The following UPK3A variants were observed in gnomAD, a reference collection of about 807,000 sequenced individuals.
UPK3A encodes the protein uroplakin-3a.
In UPK3A, 32 loss-of-function variants were observed where a neutral mutation model predicts 27.6. The observed-to-expected ratio is 1.16, with a 90% confidence interval of 0.87 to 1.55. The LOEUF (loss-of-function observed/expected upper bound fraction) is 1.55, where lower values mean the gene tolerates loss of function less well. Ranked by LOEUF, UPK3A falls within the 40% of genes most tolerant of loss-of-function variation. The pLI, the probability that UPK3A is intolerant of heterozygous loss-of-function variation, is 0.00. For synonymous variants in UPK3A, 171 were observed against 163.9 expected, an observed-to-expected ratio of 1.04 and a Z score of -0.33; for missense variants, 370 against 367.9, an observed-to-expected ratio of 1.01 and a Z score of -0.05.
intron 4 of UPK3A, among the ~76,000 whole-genome samples, chr22:45,290,826 C>T (rs929655789): frequency 7.2e-5 from 11 of 152,170 alleles, no homozygotes; most frequent in Admixed American, 7.2e-4. Context: ...ATTAGAGTGT[C>T]ACGGGAGCGC....
chr22:45,293,312 G>C lies in UPK3A; in HGVS notation c.703G>C (p.Val235Leu), dbSNP rs747509958. Residue 235 changes from valine (V) to leucine (L), a missense_variant and splice_region_variant, in exon 5 of 6, where the codon GTG becomes CTG. Physicochemically the swap from Val to Leu is conservative, Grantham distance 32. Transcript: ENST00000216211. ...TGCTGGCGCCATTGCCCTCAGCCTC[G>C]TGTAAGTACCTGCCTGCTGGGAGGG... ...GFAGAIALSL[V>L]DMGSSDGETT... 7 of 1,613,660 alleles carry C rather than the reference G, an allele frequency of 4.3e-6. No individual in the cohort carries two copies. The highest frequency in any genetic ancestry group is 2.2e-5 in the East Asian group (1 of 44,876).
At chr22:45,294,432 G>A (rs879303573) in intron 5 of UPK3A, among the ~76,000 whole-genome samples, 4 of 151,106 alleles carry the variant, frequency 2.6e-5, no homozygotes, top group Admixed American at 2.0e-4. Context: ...GGGAGACCTC[G>A]AGTCCTCATC....
At position 45,287,389 on chromosome 22, in the gene UPK3A, C is replaced by T. The variant is rs754349035; in HGVS notation, c.426C>T (p.Cys142=). The T allele has an allele frequency of 6.2e-7, 1 of 1,612,400 alleles. No individual in the cohort carries two copies. The highest frequency in any genetic ancestry group is 1.1e-5 in the South Asian group (1 of 90,798). Residue 142 remains cysteine, a synonymous_variant, in exon 3 of 6, where the codon TGC becomes TGT. Transcript: ENST00000216211. The part of the protein sequence containing the change: ...YLVRVGANGT[C]LWDPNFQGLC... ...TCAGGGTGGGTGCCAACGGGACCTG[C>T]CTGTGGGATCCCAACTTCCAGGGCC...
At chr22:45,295,454 C>T (rs1008923921) in intron 5 of UPK3A, 106 bp from the exon 6 acceptor site, 55 of 1,234,476 alleles carry the variant, frequency 4.5e-5, no homozygotes, top group African/African-American at 1.2e-4. Context: ...TCTACGAAGA[C>T]GATATCTGTG....
chr22:45,290,045 A>G (rs1266229113), intron 4 of UPK3A, among the ~76,000 whole-genome samples: 2 of 152,228 alleles, frequency 1.3e-5, no homozygotes, highest in Non-Finnish European at 2.9e-5. Context: ...CCTAAAACCA[A>G]GATGGCAAAG....
intron 1 of UPK3A, among the ~76,000 whole-genome samples, chr22:45,285,627 G>T (rs2084112102): frequency 1.6e-5 from 1 of 60,918 alleles, no homozygotes. Flanking sequence ...TTGCATGTGG[G>T]GGGAGGGCCC....
chr22:45,290,996 G>A (rs1016415020), intron 4 of UPK3A, among the ~76,000 whole-genome samples: 1 of 152,124 alleles, frequency 6.6e-6, no homozygotes, highest in African/African-American at 2.4e-5. Context: ...ATGATGATGA[G>A]TTGTACAATC....
intron 4 of UPK3A, among the ~76,000 whole-genome samples, chr22:45,290,368 A>G (rs919544303): frequency 6.6e-6 from 1 of 152,068 alleles, no homozygotes; most frequent in African/African-American, 2.4e-5. Context: ...GTGCACCCCC[A>G]GGGGCGTGGG....
intron 2 of UPK3A, 59 bp downstream of exon 2, chr22:45,286,155 G>A (rs1372131361): frequency 3.1e-6 from 5 of 1,605,040 alleles, no homozygotes; most frequent in Non-Finnish European, 4.3e-6. Context: ...TCTGCAGGGA[G>A]GAGGGAAGGA....
chr22:45,287,687 G>A (rs764346768), intron 3 of UPK3A, among the ~76,000 whole-genome samples: 3 of 151,754 alleles, frequency 2.0e-5, no homozygotes, highest in East Asian at 1.9e-4. Flanking sequence ...TTTTTGAGAC[G>A]GGGTCTCCAC....
rs565753581 is a variant in UPK3A at position 45,295,346 on chromosome 22, T to G, written c.705-214T>G. Among the ~76,000 whole-genome samples the G allele has an allele frequency of 6.6e-5, 10 of 152,222 alleles. No homozygotes were observed. In the East Asian group the frequency reaches 1.9e-3, roughly 29 times the overall value. ...ATTGTCCAGCTCCCAATAAGACCTA[T>G]AAGTTGTTCACATCATTCCAAAAGG... On this transcript the variant is annotated intron_variant, in intron 5 of 5. Coordinates refer to ENST00000216211, the MANE Select transcript of UPK3A (RefSeq NM_006953.4).
chr22:45,294,033 G>T (rs1289008018), intron 5 of UPK3A, among the ~76,000 whole-genome samples: 2 of 152,116 alleles, frequency 1.3e-5, no homozygotes, highest in Non-Finnish European at 2.9e-5. Flanking sequence ...ACCAGGCAGG[G>T]GACAAACCAA....
chr22:45,287,812 A>G (rs1221441249), intron 3 of UPK3A, among the ~76,000 whole-genome samples: 1 of 151,442 alleles, frequency 6.6e-6, no homozygotes, highest in Non-Finnish European at 1.5e-5. Context: ...ACAGGTGCAC[A>G]CCACCATGCC....
In UPK3A at chr22:45,289,077, G is replaced by C; in HGVS notation, c.505G>C (p.Val169Leu). The change falls in exon 4 of 6, where the codon GTC becomes CTC. Residue 169 changes from valine to leucine, a missense_variant. Coordinates refer to ENST00000216211, the MANE Select transcript of UPK3A (RefSeq NM_006953.4). ...ATEYRFKYVL[V>L]NMSTGLVEDQ... ...TCCTTCCAGGTTCAAGTATGTCCTGGTCAATATGTCCACGGGCTTGGTAGA... is the reference window on the plus strand; with the variant it reads ...TCCTTCCAGGTTCAAGTATGTCCTGCTCAATATGTCCACGGGCTTGGTAGA... 6.2e-7 allele frequency: 1 copy of C among 1,613,924 alleles called. No individual in the cohort carries two copies. Among genetic ancestry groups the C allele is most frequent in the Non-Finnish European group, 8.5e-7 (1 of 1,180,020 alleles).
intron 3 of UPK3A, among the ~76,000 whole-genome samples, chr22:45,288,567 A>C (rs931489991): frequency 6.6e-6 from 1 of 152,014 alleles, no homozygotes; most frequent in Admixed American, 6.6e-5. Context: ...CCCTGACCTC[A>C]GGTGATCTGC....
chr22:45,287,115 G>T, intron 2 of UPK3A, 57 bp from the exon 3 acceptor site: 7 of 1,610,694 alleles, frequency 4.3e-6, no homozygotes, highest in Non-Finnish European at 5.9e-6. Flanking sequence ...GAATAACTGA[G>T]TGAGTGTCGC....
chr22:45,288,700 A>G (rs1001262466), intron 3 of UPK3A, among the ~76,000 whole-genome samples: 1 of 152,230 alleles, frequency 6.6e-6, no homozygotes, highest in Non-Finnish European at 1.5e-5. Flanking sequence ...GGAAGGCAGA[A>G]ATGCAAGGAA....
rs752744610 is a variant in UPK3A, at chr22:45,293,196, C to T, written c.587C>T (p.Thr196Met). ...IRTNQLTPYS[T>M]IDTWPGRRSG... is the part of the protein sequence containing the mutation. ...CCCACCACAGTCACCCCATACTCGACGATCGACACGTGGCCAGGCCGGCGG... is the reference window on the plus strand; with the variant it reads ...CCCACCACAGTCACCCCATACTCGATGATCGACACGTGGCCAGGCCGGCGG... Residue 196 changes from threonine (T) to methionine (M), a missense_variant, in exon 5 of 6, where the codon ACG (threonine) becomes ATG (methionine). Physicochemically the swap from Thr to Met is moderately conservative, Grantham distance 81. Transcript: ENST00000216211. 53 of 1,613,778 alleles carry T rather than the reference C, an allele frequency of 3.3e-5. No individual in the cohort carries two copies. Among genetic ancestry groups the T allele is most frequent in the Middle Eastern group, 1.6e-4 (1 of 6,084 alleles).
intron 3 of UPK3A, among the ~76,000 whole-genome samples, chr22:45,287,805 G>A (rs1204564128): frequency 6.6e-6 from 1 of 152,042 alleles, no homozygotes; most frequent in African/African-American, 2.4e-5. Context: ...TGAGATTACA[G>A]GTGCACACCA....
Sources: allele counts gnomAD v4.1 joint callset (sites outside exome capture counted in the v4.1 genomes callset), GRCh38; gene constraint gnomAD v4.1.1; transcripts MANE v1.5; gene names NCBI Gene and HGNC (gene_info 2026-07-23, HGNC 2026-07-21).